GALNT10: variants seen among roughly 807,000 people sequenced by gnomAD.
The protein encoded by GALNT10 is polypeptide N-acetylgalactosaminyltransferase 10, also known as GalNAc transferase 10.
In GALNT10, 41 loss-of-function variants were observed where a neutral mutation model predicts 75.0. The ratio of observed to expected loss-of-function variants is 0.55; its 90% confidence interval spans 0.43 to 0.71. The LOEUF is 0.71. GALNT10 is among the 30% of genes least tolerant of loss of function. GALNT10 has a pLI of 0.00. For missense variants in GALNT10, 727 were observed against 818.5 expected, an observed-to-expected ratio of 0.89 and a Z score of 1.36; for synonymous variants, 302 against 313.0, an observed-to-expected ratio of 0.96 and a Z score of 0.37.
At chr5:154,192,638 C>T (rs1409413083) in intron 1 of GALNT10, among the ~76,000 whole-genome samples, 1 of 152,196 alleles carries the variant, frequency 6.6e-6, no homozygotes, top group Non-Finnish European at 1.5e-5. Context: ...ATCAGTTAAT[C>T]AATGAGGAAT....
At chr5:154,315,003 GAAC>G (rs1754576120) in intron 3 of GALNT10, among the ~76,000 whole-genome samples, 1 of 152,186 alleles carries the variant, frequency 6.6e-6, no homozygotes, top group South Asian at 2.1e-4. Context: ...AAATCGTGTA[GAAC>G]AACAACAGTG....
At chr5:154,246,269 A>G (rs1186808916) in intron 1 of GALNT10, among the ~76,000 whole-genome samples, 1 of 152,168 alleles carries the variant, frequency 6.6e-6, no homozygotes, top group African/African-American at 2.4e-5. Context: ...CAATAAACAT[A>G]CGTGTGCATG....
chr5:154,196,739 C>T (rs532978668), intron 1 of GALNT10, among the ~76,000 whole-genome samples: 1 of 152,280 alleles, frequency 6.6e-6, no homozygotes, highest in South Asian at 2.1e-4. Context: ...TACTTTGGAT[C>T]TAATGTGCTG....
intron 1 of GALNT10, among the ~76,000 whole-genome samples, chr5:154,227,690 G>T (rs140443366): frequency 6.6e-6 from 1 of 150,976 alleles, no homozygotes; most frequent in South Asian, 2.1e-4. Context: ...GTTCTTTTAT[G>T]TATTATGCTT....
intron 1 of GALNT10, among the ~76,000 whole-genome samples, chr5:154,220,938 A>G (rs990275716): frequency 2.0e-5 from 3 of 152,334 alleles, no homozygotes; most frequent in African/African-American, 7.2e-5. Flanking sequence ...GTGGATTTTT[A>G]AAAATATGGA....
chr5:154,380,676 C>G, intron 6 of GALNT10, 45 bp downstream of exon 6: 1 of 1,340,608 alleles, frequency 7.5e-7, no homozygotes, highest in Non-Finnish European at 1.1e-6. Context: ...TACCCAGTGA[C>G]CACTCCCAAC....
intron 1 of GALNT10, among the ~76,000 whole-genome samples, chr5:154,224,358 T>C (rs1385908500): frequency 6.6e-6 from 1 of 152,260 alleles, no homozygotes; most frequent in Non-Finnish European, 1.5e-5. Flanking sequence ...ATTCTTATTC[T>C]ATCAATTCTT....
chr5:154,235,982 G>T (rs989525510), intron 1 of GALNT10, among the ~76,000 whole-genome samples: 7 of 152,282 alleles, frequency 4.6e-5, no homozygotes, highest in Admixed American at 4.6e-4. Context: ...TGTTCATTGT[G>T]CCAAGTTCCC....
chr5:154,325,905 A>G (rs560604131), intron 3 of GALNT10, among the ~76,000 whole-genome samples: 1 of 152,326 alleles, frequency 6.6e-6, no homozygotes, highest in South Asian at 2.1e-4. Flanking sequence ...AAAGTCATCT[A>G]TATTGGAAAG....
chr5:154,303,289 A>G (rs1273515586), intron 3 of GALNT10, among the ~76,000 whole-genome samples: 1 of 152,118 alleles, frequency 6.6e-6, no homozygotes, highest in Non-Finnish European at 1.5e-5. Context: ...GCAAGCCCAG[A>G]TAGAGCCCAG....
intron 3 of GALNT10, among the ~76,000 whole-genome samples, chr5:154,311,375 A>AC (rs1754515215): frequency 6.6e-6 from 1 of 152,138 alleles, no homozygotes; most frequent in African/African-American, 2.4e-5. Flanking sequence ...AACTGTTACA[A>AC]CTATTTTGTG....
chr5:154,311,781 T>C (rs548777071), intron 3 of GALNT10, among the ~76,000 whole-genome samples: 1 of 152,262 alleles, frequency 6.6e-6, no homozygotes, highest in East Asian at 1.9e-4. Context: ...AGGCTAATTT[T>C]TGTATTTTTA....
At chr5:154,354,785 TG>T (rs1418865173) in intron 4 of GALNT10, among the ~76,000 whole-genome samples, 4 of 152,186 alleles carry the variant, frequency 2.6e-5, no homozygotes, top group Non-Finnish European at 2.9e-5. Flanking sequence ...TGCTGTACCC[TG>T]TGCTTTACTG....
At chr5:154,319,594 C>G (rs1754645321) in intron 3 of GALNT10, among the ~76,000 whole-genome samples, 1 of 152,198 alleles carries the variant, frequency 6.6e-6, no homozygotes, top group Non-Finnish European at 1.5e-5. Context: ...GGGAAAAGTG[C>G]TCTCTAAACT....
intron 1 of GALNT10, among the ~76,000 whole-genome samples, chr5:154,237,937 T>C (rs1753271728): frequency 6.6e-6 from 1 of 152,216 alleles, no homozygotes; most frequent in African/African-American, 2.4e-5. Context: ...CTGTACTCTT[T>C]GAAGGAAGTC....
intron 1 of GALNT10, among the ~76,000 whole-genome samples, chr5:154,194,405 C>T (rs1330229457): frequency 1.3e-5 from 2 of 152,174 alleles, no homozygotes; most frequent in African/African-American, 4.8e-5. Flanking sequence ...CACAGAAGGG[C>T]TAGTATCCTT....
At chr5:154,235,411 G>T (rs1753229895) in intron 1 of GALNT10, among the ~76,000 whole-genome samples, 1 of 152,118 alleles carries the variant, frequency 6.6e-6, no homozygotes, top group African/African-American at 2.4e-5. Flanking sequence ...TGCAGTCTTT[G>T]CAGAGTCTTT....
At chr5:154,198,062 T>G (rs1774972182) in intron 1 of GALNT10, among the ~76,000 whole-genome samples, 1 of 152,156 alleles carries the variant, frequency 6.6e-6, no homozygotes, top group African/African-American at 2.4e-5. Context: ...GTAGCTGAAG[T>G]GGAGCACATA....
chr5:154,224,274 G>A (rs1388823702), intron 1 of GALNT10, among the ~76,000 whole-genome samples: 1 of 152,190 alleles, frequency 6.6e-6, no homozygotes, highest in East Asian at 1.9e-4. Context: ...CCCCAGCTAG[G>A]TCATTAGCCA....
Sources: gnomAD v4.1 joint callset for allele counts (sites outside exome capture counted in the v4.1 genomes callset) on GRCh38, gnomAD v4.1.1 for gene constraint, MANE v1.5 for transcripts, NCBI Gene and HGNC (gene_info 2026-07-23, HGNC 2026-07-21) for gene names.